CLIP1: variants seen among roughly 807,000 people sequenced by gnomAD.
CLIP1 encodes CAP-Gly domain containing linker protein 1.
Under a neutral mutation model 161.6 loss-of-function variants are expected in CLIP1, and 66 were observed. That is an observed-to-expected ratio of 0.41 (90% confidence interval 0.33 to 0.50). CLIP1 has a LOEUF of 0.50. CLIP1 is among the 20% of genes least tolerant of loss of function. CLIP1 has a pLI of 0.27. For synonymous variants in CLIP1, 598 were observed against 626.2 expected, an observed-to-expected ratio of 0.96 and a Z score of 0.67; for missense variants, 1,376 against 1,702.0, an observed-to-expected ratio of 0.81 and a Z score of 3.37.
chr12:122,312,865 C>T (rs1017301483), intron 19 of CLIP1, among the ~76,000 whole-genome samples: 4 of 152,182 alleles, frequency 2.6e-5, no homozygotes, highest in Admixed American at 6.5e-5. Context: ...CCAGAGGACA[C>T]GCAAAACCCC....
chr12:122,319,582 T>TA (rs1170873037), intron 17 of CLIP1, among the ~76,000 whole-genome samples: 5 of 152,254 alleles, frequency 3.3e-5, no homozygotes, highest in African/African-American at 1.2e-4. Context: ...TGTCAATTGT[T>TA]ATGCAATTTG....
At chr12:122,399,465 C>A (rs1251691735) in intron 1 of CLIP1, 1 of 152,236 alleles carries the variant, frequency 6.6e-6, no homozygotes, top group African/African-American at 2.4e-5. Context: ...AGGCTCAGCA[C>A]CTCCTGGCAC....
intron 10 of CLIP1, among the ~76,000 whole-genome samples, chr12:122,346,578 T>C (rs1299531796): frequency 2.0e-5 from 3 of 152,096 alleles, no homozygotes; most frequent in Admixed American, 1.3e-4. Context: ...TCTCAGCTCA[T>C]TGCAAACTCC....
chr12:122,389,533 C>T (rs1361659584), intron 1 of CLIP1, among the ~76,000 whole-genome samples: 1 of 151,930 alleles, frequency 6.6e-6, no homozygotes, highest in Non-Finnish European at 1.5e-5. Context: ...CCAAAGCCGG[C>T]GGATCACTTG....
At chr12:122,301,354 A>G (rs1950670531) in intron 20 of CLIP1, among the ~76,000 whole-genome samples, 1 of 152,236 alleles carries the variant, frequency 6.6e-6, no homozygotes, top group Non-Finnish European at 1.5e-5. Context: ...AAAGTTTGAA[A>G]CAATTTCCAA....
chr12:122,313,838 G>A (rs1951159760), intron 19 of CLIP1, among the ~76,000 whole-genome samples: 1 of 152,104 alleles, frequency 6.6e-6, no homozygotes. Context: ...TGATCTCACT[G>A]GAATACTAGT....
At chr12:122,283,721 C>T (rs1955738292) in intron 21 of CLIP1, among the ~76,000 whole-genome samples, 1 of 152,118 alleles carries the variant, frequency 6.6e-6, no homozygotes, top group Non-Finnish European at 1.5e-5. Context: ...ACTGGGATTA[C>T]AGGCGTGACC....
At position 122,367,917 on chromosome 12, in the gene CLIP1, C is replaced by T. The variant is rs151335936; in HGVS notation, c.658-3810G>A. Among the ~76,000 whole-genome samples, 1,295 of 152,176 alleles carry T rather than the reference C, an allele frequency of 8.5e-3. 10 individuals carry two copies. Among genetic ancestry groups the T allele is most frequent in the Middle Eastern group, 0.037 (11 of 294 alleles). ...CCTGTGATCCCAGCTACTGAGGCTGCAAGTGAGCTATGATCATGACACTGC... is the reference window on the plus strand; with the variant it reads ...CCTGTGATCCCAGCTACTGAGGCTGTAAGTGAGCTATGATCATGACACTGC... On this transcript the variant is annotated intron_variant, in intron 3 of 25. Coordinates refer to ENST00000620786, the MANE Select transcript of CLIP1 (RefSeq NM_001247997.2).
intron 3 of CLIP1, among the ~76,000 whole-genome samples, chr12:122,374,774 AAAAG>A (rs1481672910): frequency 2.0e-5 from 3 of 152,186 alleles, no homozygotes; most frequent in Non-Finnish European, 4.4e-5. Flanking sequence ...AAAATAAAAA[AAAAG>A]AGTGTTGAGA....
intron 1 of CLIP1, among the ~76,000 whole-genome samples, chr12:122,408,098 T>A (rs1263441923): frequency 2.0e-5 from 3 of 151,766 alleles, no homozygotes; most frequent in Non-Finnish European, 4.4e-5. Context: ...TAGCCAGGCA[T>A]GGTGGCGGGC....
intron 20 of CLIP1, among the ~76,000 whole-genome samples, chr12:122,308,043 T>C (rs1235979945): frequency 1.3e-5 from 2 of 152,196 alleles, no homozygotes; most frequent in African/African-American, 4.8e-5. Flanking sequence ...TCACAAAACC[T>C]TTTCAGTAGG....
At chr12:122,416,382 C>T (rs1956756984) in intron 1 of CLIP1, among the ~76,000 whole-genome samples, 1 of 152,184 alleles carries the variant, frequency 6.6e-6, no homozygotes, top group East Asian at 1.9e-4. Context: ...TTTCTATTCA[C>T]TAGCTGTGTG....
At chr12:122,319,491 A>G in intron 17 of CLIP1, 143 bp from the exon 18 acceptor site, 5 of 632,698 alleles carry the variant, frequency 7.9e-6, no homozygotes, top group Non-Finnish European at 1.4e-5. Flanking sequence ...GTCACAATCC[A>G]GTGCTGAAAC....
At chr12:122,324,818 A>G (rs1294074225) in intron 17 of CLIP1, among the ~76,000 whole-genome samples, 1 of 152,222 alleles carries the variant, frequency 6.6e-6, no homozygotes, top group Non-Finnish European at 1.5e-5. Context: ...AGGAAGGGGC[A>G]TAACAAGGGA....
Position 122,272,982 on chromosome 12 carries a change from G to C in CLIP1, c.4210C>G (p.Pro1404Ala), listed in dbSNP as rs771024484. The C allele has an allele frequency of 3.1e-6, 5 of 1,614,226 alleles. No homozygotes were observed. The highest frequency in any genetic ancestry group is 4.2e-6 in the Non-Finnish European group (5 of 1,180,040). ...CGACTGCCATGGTGTGTGGAATGGG[G>C]AGGGTCCTCTGACATCTGTGCCTGG... ...PTQAQMSEDPPHSTHHGSRGE... is the reference protein window; with the variant it reads ...PTQAQMSEDPAHSTHHGSRGE... Residue 1404 changes from proline (P) to alanine (A), a missense_variant, in exon 26 of 26, where the codon CCC becomes GCC. This residue lies in a region of CLIP1 where 948 missense variants were observed against 1,134.8 expected (regional missense o/e 0.84). Transcript: ENST00000620786.
Position 122,279,155 on chromosome 12 carries a change from CAA to C in CLIP1, c.3648-12_3648-11del. ...TATGAACTTGGATTCTCTAAAAGAC[CAA>C]AGAGTTAAAAGTTCCACAAATCAAC... On this transcript the variant is annotated splice_polypyrimidine_tract_variant and intron_variant, in intron 21 of 25. Coordinates refer to ENST00000620786, the MANE Select transcript of CLIP1 (RefSeq NM_001247997.2). The surrounding 1 kb of genome is among the most constrained non-coding windows in gnomAD (Gnocchi z 4.5). The C allele has an allele frequency of 1.3e-6, 2 of 1,581,756 alleles. No individual in the cohort carries two copies. Among genetic ancestry groups the C allele is most frequent in the Non-Finnish European group, 1.7e-6 (2 of 1,156,960 alleles).
In CLIP1 at chr12:122,341,221, T is replaced by A; in HGVS notation, c.1983A>T (p.Thr661=). Residue 661 remains threonine (T), a synonymous_variant, in exon 11 of 26, where the codon ACA becomes ACT. Transcript: ENST00000620786. The part of the protein sequence containing the change: ...TETAEFAELK[T]QIEKMRLDYQ... ...AATCTAGTCTCATTTTCTCTATTTG[T>A]GTTTTTAGTTCAGCAAATTCTGCCG... 6.2e-7 allele frequency: 1 copy of A among 1,614,194 alleles called. No homozygotes were observed. The highest frequency in any genetic ancestry group is 8.5e-7 in the Non-Finnish European group (1 of 1,180,030).
intron 20 of CLIP1, among the ~76,000 whole-genome samples, chr12:122,303,084 A>AT (rs1190151851): frequency 6.6e-6 from 1 of 152,106 alleles, no homozygotes; most frequent in Non-Finnish European, 1.5e-5. Context: ...TTTATGATTT[A>AT]TTTAGTAGTC....
Position 122,355,362 on chromosome 12 carries a change from C to A in CLIP1, c.1006-50G>T. 6.5e-7 allele frequency: 1 copy of A among 1,548,266 alleles called. No homozygotes were observed. The highest frequency in any genetic ancestry group is 8.9e-7 in the Non-Finnish European group (1 of 1,126,762). On this transcript the variant is annotated intron_variant, in intron 5 of 25. Coordinates refer to ENST00000620786, the MANE Select transcript of CLIP1 (RefSeq NM_001247997.2). This position sits in a 1 kb window ranked among gnomAD's most constrained non-coding sequence, Gnocchi z 4.1. ...AAGGGCGATGATGCTGTCAGAAAAGCGAGGGAGGCGCGATGCATGCATGGC... is the reference window on the plus strand; with the variant it reads ...AAGGGCGATGATGCTGTCAGAAAAGAGAGGGAGGCGCGATGCATGCATGGC...
Sources: gnomAD v4.1 joint callset for allele counts (sites outside exome capture counted in the v4.1 genomes callset) on GRCh38, gnomAD v4.1.1 for gene constraint, gnomAD v4.1.1 regional missense constraint, Gnocchi (gnomAD v3.1) non-coding constraint, MANE v1.5 for transcripts, NCBI Gene and HGNC (gene_info 2026-07-23, HGNC 2026-07-21) for gene names.